PCDHGA3: variants seen among roughly 807,000 people sequenced by gnomAD.
The protein encoded by PCDHGA3 is protocadherin gamma-A3.
A neutral mutation model predicts 58.5 loss-of-function variants in PCDHGA3; 40 were observed. That is an observed-to-expected ratio of 0.68 (90% CI 0.53 to 0.89). The LOEUF is 0.89. Ranked by LOEUF, PCDHGA3 falls within the 40% of genes least tolerant of loss-of-function variation. The probability of loss-of-function intolerance (pLI) is 0.00; values close to 1 mark genes in which losing one functional copy is unlikely to be tolerated. For missense variants in PCDHGA3, 1,223 were observed against 1,195.9 expected, an observed-to-expected ratio of 1.02 and a Z score of -0.33; for synonymous variants, 530 against 525.7, an observed-to-expected ratio of 1.01 and a Z score of -0.11.
At chr5:141,478,574 C>T (rs2099465133) in intron 1 of PCDHGA3, 1 of 1,586,288 alleles carries the variant, frequency 6.3e-7, no homozygotes, top group Non-Finnish European at 8.6e-7. Flanking sequence ...ATGCTTGACC[C>T]TGTTAGTGCT....
intron 1 of PCDHGA3, among the ~76,000 whole-genome samples, chr5:141,449,909 A>G (rs2098658849): frequency 6.6e-6 from 1 of 151,828 alleles, no homozygotes; most frequent in Non-Finnish European, 1.5e-5. Context: ...TATAGTCCAT[A>G]TTTAAATTCT....
Position 141,394,580 on chromosome 5 carries a change from C to T in PCDHGA3, c.2424+48123C>T, listed in dbSNP as rs779590383. ...CCGCAGAGCGTGGCTACCTGGTGAC[C>T]AAGGTGGTGGCGGTGGACAGAGACT... On this transcript the variant is annotated intron_variant, in intron 1 of 3. Transcript: ENST00000253812. The T allele has an allele frequency of 1.5e-5, 24 of 1,613,914 alleles. No individual in the cohort carries two copies. The South Asian group carries it at 2.6e-4, about 18-fold the overall frequency.
intron 1 of PCDHGA3, among the ~76,000 whole-genome samples, chr5:141,435,619 T>A (rs2097772280): frequency 6.6e-6 from 1 of 152,190 alleles, no homozygotes; most frequent in Non-Finnish European, 1.5e-5. Context: ...AAATTCCCCA[T>A]AACTTTTACA....
chr5:141,359,759 A>G (rs1005713347), intron 1 of PCDHGA3, among the ~76,000 whole-genome samples: 1 of 152,234 alleles, frequency 6.6e-6, no homozygotes, highest in African/African-American at 2.4e-5. Flanking sequence ...CATCTAAAGC[A>G]GAGATGAAAG....
At chr5:141,500,167 A>C (rs976308963) in intron 2 of PCDHGA3, among the ~76,000 whole-genome samples, 1 of 150,656 alleles carries the variant, frequency 6.6e-6, no homozygotes, top group African/African-American at 2.4e-5. Context: ...AAGAACATGC[A>C]TGAGCTTCAT....
Position 141,345,270 on chromosome 5 carries a change from G to A in PCDHGA3, c.1237G>A (p.Glu413Lys), listed in dbSNP as rs760387404. The A allele has an allele frequency of 5.6e-6, 9 of 1,613,776 alleles. No individual in the cohort carries two copies. The African/African-American group carries it at 8.0e-5, about 14-fold the overall frequency. ...RLVTATSLDR[E>K]QISEYNISLR... Reference sequence around the variant, plus strand: ...AGTGACGGCCACATCCCTGGACCGCGAACAAATATCAGAATATAACATTAG... The same window carrying A: ...AGTGACGGCCACATCCCTGGACCGCAAACAAATATCAGAATATAACATTAG... Residue 413 changes from glutamate to lysine, a missense_variant, in exon 1 of 4, where the codon GAA becomes AAA. Glu to Lys is a moderately conservative substitution (Grantham distance 56). Around this residue, in one of 3 missense-constraint regions of PCDHGA3, gnomAD observed 791 missense variants for 708.5 expected, o/e 1.12. Transcript: ENST00000253812.
intron 1 of PCDHGA3, among the ~76,000 whole-genome samples, chr5:141,439,599 G>A (rs1319524199): frequency 6.6e-6 from 1 of 152,146 alleles, no homozygotes; most frequent in Non-Finnish European, 1.5e-5. Flanking sequence ...TGGCCAGTCT[G>A]GAAACAGAGA....
chr5:141,348,007 G>C (rs529602775), intron 1 of PCDHGA3, among the ~76,000 whole-genome samples: 1 of 152,300 alleles, frequency 6.6e-6, no homozygotes, highest in Non-Finnish European at 1.5e-5. Flanking sequence ...AGCCTCTGCG[G>C]GAGATTTCCA....
At chr5:141,360,319 C>A (rs1761531908) in intron 1 of PCDHGA3, 2 of 1,613,782 alleles carry the variant, frequency 1.2e-6, no homozygotes, top group African/African-American at 2.7e-5. Flanking sequence ...CCGGGACTTG[C>A]CAGCCCGGAA....
At chr5:141,420,216 T>C in intron 1 of PCDHGA3, 1 of 1,609,316 alleles carries the variant, frequency 6.2e-7, no homozygotes, top group African/African-American at 1.3e-5. Context: ...AAAGATAGCA[T>C]GCTACTGGCT....
At chr5:141,430,853 C>G (rs769009864) in intron 1 of PCDHGA3, 2 of 1,587,214 alleles carry the variant, frequency 1.3e-6, no homozygotes, top group Non-Finnish European at 1.7e-6. Flanking sequence ...CACCCAGATA[C>G]GCTATTCAGT....
At chr5:141,420,001 C>T in intron 1 of PCDHGA3, 1 of 1,614,084 alleles carries the variant, frequency 6.2e-7, no homozygotes, top group Non-Finnish European at 8.5e-7. Flanking sequence ...TTGCTCTACG[C>T]CTGCGACAGT....
rs776008188 is a variant in PCDHGA3, at chr5:141,376,058, A to T, written c.2424+29601A>T. The T allele has an allele frequency of 4.3e-6, 7 of 1,613,282 alleles. No homozygotes were observed. In the East Asian group the frequency reaches 1.3e-4, roughly 31 times the overall value. ...CCAGCCCCCTCTCTCCGCCACTGTC[A>T]CGCTCACCGTGGCCGTGGCCGACAG... On this transcript the variant is annotated intron_variant, in intron 1 of 3. Transcript: ENST00000253812.
chr5:141,427,546 C>T (rs779995777), intron 1 of PCDHGA3: 1 of 639,564 alleles, frequency 1.6e-6, no homozygotes, highest in South Asian at 1.5e-5. Context: ...GTCACCATCA[C>T]TGCCACTGAC....
At chr5:141,410,047 A>G in intron 1 of PCDHGA3, 1 of 1,612,420 alleles carries the variant, frequency 6.2e-7, no homozygotes. Flanking sequence ...GTGAGCCCGG[A>G]CTCTTCAGCC....
intron 1 of PCDHGA3, chr5:141,398,682 A>G (rs767093587): frequency 1.4e-5 from 23 of 1,613,842 alleles, no homozygotes; most frequent in Non-Finnish European, 1.9e-5. Flanking sequence ...TTAAGGAGAA[A>G]CAGGATGGTA....
rs967436443 is a variant in PCDHGA3 at position 141,400,001 on chromosome 5, C to G, written c.2424+53544C>G. On this transcript the variant is annotated intron_variant, in intron 1 of 3. Transcript: ENST00000253812. ...CTGCGCACAGGAGAGGTGCGCACAG[C>G]GCGTGCCTTGGGCGACAGGGACGCG... 5.0e-6 allele frequency: 8 copies of G among 1,612,262 alleles called. No individual in the cohort carries two copies. In the Admixed American group the frequency reaches 5.0e-5, roughly 10 times the overall value.
intron 1 of PCDHGA3, chr5:141,479,712 C>T (rs1488849933): frequency 6.6e-6 from 1 of 152,216 alleles, no homozygotes; most frequent in Non-Finnish European, 1.5e-5. Flanking sequence ...CCCTGTCCTT[C>T]CAGCCTTATT....
chr5:141,350,827 G>T (rs763130974), intron 1 of PCDHGA3: 1 of 1,613,880 alleles, frequency 6.2e-7, no homozygotes, highest in East Asian at 2.2e-5. Context: ...GTAAATATCC[G>T]GTATTACTGC....
Sources: allele counts gnomAD v4.1 joint callset (sites outside exome capture counted in the v4.1 genomes callset), GRCh38; gene constraint gnomAD v4.1.1; regional missense constraint gnomAD v4.1.1; transcripts MANE v1.5; gene names NCBI Gene and HGNC (gene_info 2026-07-23, HGNC 2026-07-21).